Variants in RAI14 observed in about 807,000 individuals in gnomAD.
RAI14 encodes the protein retinoic acid induced 14, also known as ankycorbin.
RAI14 carries 45 observed loss-of-function variants against 115.4 expected under a neutral mutation model. The ratio of observed to expected loss-of-function variants is 0.39; its 90% CI spans 0.31 to 0.50. The LOEUF is 0.50. Ranked by LOEUF, RAI14 falls within the 20% of genes least tolerant of loss-of-function variation. The pLI, the probability that RAI14 is intolerant of heterozygous loss-of-function variation, is 0.85. For missense variants in RAI14, 939 were observed against 1,131.2 expected (o/e 0.83, Z 2.44); for synonymous variants, 371 against 415.4 (o/e 0.89, Z 1.30).
chr5:34,811,744 T>G (rs1027931164), intron 8 of RAI14, 23 bp from the exon 9 acceptor site: 4 of 1,588,054 alleles, frequency 2.5e-6, no homozygotes, highest in Non-Finnish European at 3.4e-6. Context: ...TAGTACTAAT[T>G]TTGTGTCTCT....
intron 9 of RAI14, 110 bp downstream of exon 9, chr5:34,812,055 T>C (rs867883548): frequency 4.6e-6 from 6 of 1,314,376 alleles, no homozygotes; most frequent in African/African-American, 3.0e-5. Flanking sequence ...TTTAAACATA[T>C]TCTTGAAAAA....
intron 2 of RAI14, among the ~76,000 whole-genome samples, chr5:34,742,849 G>A (rs181529713): frequency 3.9e-5 from 6 of 152,160 alleles, no homozygotes; most frequent in Non-Finnish European, 8.8e-5. Flanking sequence ...ATTTTTAGTG[G>A]AGAAGGTGTT....
rs1344950658 is a variant in RAI14 at position 34,791,378 on chromosome 5, T to G, written c.168-4561T>G. Among the ~76,000 whole-genome samples the G allele has an allele frequency of 6.6e-6, 1 of 152,176 alleles. No individual in the cohort carries two copies. Among genetic ancestry groups the G allele is most frequent in the Non-Finnish European group, 1.5e-5 (1 of 68,028 alleles). On this transcript the variant is annotated intron_variant, in intron 3 of 17. Coordinates refer to ENST00000265109, the MANE Select transcript of RAI14 (RefSeq NM_015577.3). This position sits in a 1 kb window ranked among gnomAD's most constrained non-coding sequence, Gnocchi z 5.4. ...TGGCCTAAGACCATATTAGAAAACT[T>G]TTTTGAAGTCACTTATTATATGCCA...
intron 1 of RAI14, among the ~76,000 whole-genome samples, chr5:34,674,893 T>C (rs1372419281): frequency 1.4e-5 from 2 of 144,216 alleles, no homozygotes; most frequent in Non-Finnish European, 3.0e-5. Context: ...TCAGACTTCA[T>C]TGGATTTTTT....
chr5:34,755,440 C>A (rs568980522), intron 2 of RAI14, among the ~76,000 whole-genome samples: 1 of 152,108 alleles, frequency 6.6e-6, no homozygotes, highest in Non-Finnish European at 1.5e-5. Flanking sequence ...CGTGAAGTCT[C>A]GAGGTTAAAA....
intron 2 of RAI14, among the ~76,000 whole-genome samples, chr5:34,696,623 C>T (rs549875781): frequency 1.3e-5 from 2 of 152,182 alleles, no homozygotes; most frequent in Non-Finnish European, 2.9e-5. Flanking sequence ...ATTGACTCAG[C>T]CACAGGCAGT....
intron 2 of RAI14, among the ~76,000 whole-genome samples, chr5:34,730,748 C>T (rs560874166): frequency 3.9e-5 from 6 of 152,228 alleles, no homozygotes; most frequent in East Asian, 1.9e-4. Context: ...TTTGGGAGGC[C>T]GAGGCAGGAG....
At chr5:34,724,972 C>T (rs922309543) in intron 2 of RAI14, among the ~76,000 whole-genome samples, 4 of 151,858 alleles carry the variant, frequency 2.6e-5, no homozygotes, top group Admixed American at 6.6e-5. Flanking sequence ...AGCTTGTGCA[C>T]TCCCATGAAA....
chr5:34,776,806 T>TAAAAAAAAAAAACAACAA (rs1302558645), intron 3 of RAI14, among the ~76,000 whole-genome samples: 1 of 89,798 alleles, frequency 1.1e-5, no homozygotes, highest in Non-Finnish European at 3.1e-5. Flanking sequence ...GACCCTTTAT[T>TAAAAAAAAAAAACAACAA]AAAAAAACCC....
At chr5:34,762,189 T>C (rs1190783924) in intron 3 of RAI14, among the ~76,000 whole-genome samples, 1 of 152,168 alleles carries the variant, frequency 6.6e-6, no homozygotes, top group African/African-American at 2.4e-5. Flanking sequence ...TATGGGTAAA[T>C]TGCTTAGGGG....
intron 2 of RAI14, among the ~76,000 whole-genome samples, chr5:34,699,010 A>C (rs1026285270): frequency 8.5e-5 from 13 of 152,180 alleles, no homozygotes; most frequent in African/African-American, 2.9e-4. Context: ...CTGCCGTGCC[A>C]GCCAAGTGTG....
chr5:34,814,273 T>C (rs987388731), intron 11 of RAI14, among the ~76,000 whole-genome samples: 2 of 152,196 alleles, frequency 1.3e-5, no homozygotes, highest in African/African-American at 2.4e-5. Flanking sequence ...GAGGAATAGC[T>C]CATCTCATAA....
In RAI14 at chr5:34,812,228, G is replaced by A; in HGVS notation, c.765+20G>A. 1 of 1,567,884 alleles carries A rather than the reference G, an allele frequency of 6.4e-7. No homozygotes were observed. The highest frequency in any genetic ancestry group is 1.1e-5 in the South Asian group (1 of 87,052). On this transcript the variant is annotated intron_variant, in intron 10 of 17. Transcript: ENST00000265109. ...AAGCAGGTATTTATCTTTGGGGGAG[G>A]CTTCTATGTTTCATTTATGCTTGTG... is the stretch of plus-strand genomic sequence containing the variant.
At chr5:34,784,501 G>T (rs1580250391) in intron 3 of RAI14, among the ~76,000 whole-genome samples, 3 of 152,200 alleles carry the variant, frequency 2.0e-5, no homozygotes, top group African/African-American at 7.2e-5. Context: ...GTGCCTTTGT[G>T]AGAGGGACAG....
At chr5:34,720,845 G>A (rs977930459) in intron 2 of RAI14, among the ~76,000 whole-genome samples, 5 of 151,952 alleles carry the variant, frequency 3.3e-5, no homozygotes, top group African/African-American at 1.2e-4. Context: ...GTAAAGTTCT[G>A]GCTTTTATTT....
At chr5:34,674,028 G>A (rs1743802073) in intron 1 of RAI14, among the ~76,000 whole-genome samples, 1 of 152,104 alleles carries the variant, frequency 6.6e-6, no homozygotes, top group East Asian at 1.9e-4. Flanking sequence ...CACTACTGGA[G>A]TACCAGGCCA....
At chr5:34,662,610 A>G (rs575055728) in intron 1 of RAI14, among the ~76,000 whole-genome samples, 95 of 152,062 alleles carry the variant, frequency 6.2e-4, no homozygotes, top group African/African-American at 2.2e-3. Flanking sequence ...TAATAAAATG[A>G]TATTGAAAGA....
At chr5:34,681,269 T>C (rs1216523627) in intron 1 of RAI14, among the ~76,000 whole-genome samples, 1 of 152,216 alleles carries the variant, frequency 6.6e-6, no homozygotes, top group Non-Finnish European at 1.5e-5. Flanking sequence ...TCTGAAGAAA[T>C]ACTCAAGCAC....
intron 2 of RAI14, among the ~76,000 whole-genome samples, chr5:34,725,227 G>T (rs748927415): frequency 6.6e-6 from 1 of 152,014 alleles, no homozygotes; most frequent in Non-Finnish European, 1.5e-5. Flanking sequence ...TCTGCAAAAG[G>T]ATTCAAATTG....
Sources: gnomAD v4.1 joint callset for allele counts (sites outside exome capture counted in the v4.1 genomes callset) on GRCh38, gnomAD v4.1.1 for gene constraint, Gnocchi (gnomAD v3.1) non-coding constraint, MANE v1.5 for transcripts, NCBI Gene and HGNC (gene_info 2026-07-23, HGNC 2026-07-21) for gene names.